The following KNTC1 variants were observed in gnomAD, a reference collection of about 807,000 sequenced individuals.
The protein encoded by KNTC1 is kinetochore associated 1, also known as kinetochore-associated protein 1.
In KNTC1, 253 loss-of-function variants were observed where a neutral mutation model predicts 314.4. That is an observed-to-expected ratio of 0.80 (90% confidence interval 0.73 to 0.89). The LOEUF (loss-of-function observed/expected upper bound fraction) is 0.89, where lower values mean the gene tolerates loss of function less well. KNTC1 is among the 40% of genes least tolerant of loss of function. The pLI, the probability that KNTC1 is intolerant of heterozygous loss-of-function variation, is 0.00. For missense variants in KNTC1, 2,475 were observed against 2,572.9 expected, an observed-to-expected ratio of 0.96 and a Z score of 0.82; for synonymous variants, 901 against 901.4, an observed-to-expected ratio of 1.00 and a Z score of 0.01.
In KNTC1 at chr12:122,574,361, C is replaced by G; in HGVS notation, c.2363C>G (p.Ala788Gly). ...AWEAKAMAVI[A>G]CLSDTDLIFD... ...GAAGCAAAGGCCATGGCAGTAATAG[C>G]GTGTTTATCTGACACGGACGTAAGT... The change falls in exon 27 of 64, where the codon GCG becomes GGG. Residue 788 changes from alanine (A) to glycine (G), a missense_variant. Coordinates refer to ENST00000333479, the MANE Select transcript of KNTC1 (RefSeq NM_014708.6). 1 of 1,604,140 alleles carries G rather than the reference C, an allele frequency of 6.2e-7. No homozygotes were observed. Among genetic ancestry groups the G allele is most frequent in the Non-Finnish European group, 8.5e-7 (1 of 1,173,040 alleles).
intron 59 of KNTC1, among the ~76,000 whole-genome samples, chr12:122,619,524 C>T (rs975253494): frequency 1.3e-5 from 2 of 152,062 alleles, no homozygotes; most frequent in Admixed American, 1.3e-4. Flanking sequence ...GCCGTTCTCC[C>T]GCCTCAGCCT....
intron 43 of KNTC1, among the ~76,000 whole-genome samples, chr12:122,596,469 G>A (rs1871068784): frequency 1.3e-5 from 2 of 151,220 alleles, no homozygotes; most frequent in South Asian, 2.1e-4. Flanking sequence ...CACCTGCCTC[G>A]GCCTCCCAAA....
chr12:122,618,261 C>T (rs974927969), intron 57 of KNTC1, 82 bp from the exon 58 acceptor site: 25 of 1,230,996 alleles, frequency 2.0e-5, no homozygotes, highest in Non-Finnish European at 2.7e-5. Flanking sequence ...TGTGAGCCAC[C>T]GCGCCTGGCC....
chr12:122,613,139 G>T lies in KNTC1; in HGVS notation c.5650G>T (p.Ala1884Ser), dbSNP rs372450429. The T allele has an allele frequency of 3.5e-5, 57 of 1,612,908 alleles. No homozygotes were observed. The highest frequency in any genetic ancestry group is 4.7e-5 in the Non-Finnish European group (56 of 1,179,192). Residue 1884 changes from alanine to serine, a missense_variant, in exon 54 of 64, where the codon GCC becomes TCC. Transcript: ENST00000333479. The part of the protein sequence containing the change: ...TTLGMHQLTF[A>S]HRTRALQCLF... The stretch of plus-strand genomic sequence containing the variant: ...ATTAGGTATGCATCAGTTAACTTTT[G>T]CCCATAGAACTCGAGCTCTTCAGTG...
Position 122,621,908 on chromosome 12 carries a change from G to C in KNTC1, c.6307G>C (p.Val2103Leu), listed in dbSNP as rs186319199. 2 of 1,606,776 alleles carry C rather than the reference G, an allele frequency of 1.2e-6. No homozygotes were observed. The highest frequency in any genetic ancestry group is 1.3e-5 in the African/African-American group (1 of 74,772). ...TTTTCTGGGTTCCTGTGACCCTCAG[G>C]TTATTTTAAAGCAATTGGAAGAGCA... Reference protein sequence around the residue: ...KNFLGSCDPQVILKQLEEHMN... With the variant: ...KNFLGSCDPQLILKQLEEHMN... Residue 2103 changes from valine (V) to leucine (L), a missense_variant, in exon 61 of 64, where the codon GTT becomes CTT. Physicochemically the swap from Val to Leu is conservative, Grantham distance 32. Coordinates refer to ENST00000333479, the MANE Select transcript of KNTC1 (RefSeq NM_014708.6).
At chr12:122,582,285 A>G (rs1304605761) in intron 33 of KNTC1, among the ~76,000 whole-genome samples, 1 of 152,082 alleles carries the variant, frequency 6.6e-6, no homozygotes, top group Non-Finnish European at 1.5e-5. Context: ...GGGCGTGGTG[A>G]TGCGTGCCTG....
In KNTC1 at chr12:122,586,710, G is replaced by C. The variant is rs200467562; in HGVS notation, c.3683G>C (p.Arg1228Thr). The C allele has an allele frequency of 3.1e-4, 454 of 1,478,374 alleles. 4 individuals are homozygous for C. In the African/African-American group the frequency reaches 6.0e-3, roughly 20 times the overall value. The allele number at this position is 1,478,374 out of a possible 1,614,324, so 91.6% of individuals were successfully genotyped here. A position where few individuals can be genotyped will look rare whatever the true frequency, so the allele number is the denominator to read the frequency against. The change falls in exon 38 of 64, where the codon AGA becomes ACA. Residue 1228 changes from arginine (R) to threonine (T), a missense_variant. Physicochemically the swap from Arg to Thr is moderately conservative, Grantham distance 71 (BLOSUM62 -1). Coordinates refer to ENST00000333479, the MANE Select transcript of KNTC1 (RefSeq NM_014708.6). ...TTATTATCTTTTGTAGAAAGCAAGA[G>C]ATATCCCTTGGAGTCTACCAGTTTG... ...SSLVPLAESK[R>T]YPLESTSLPY...
chr12:122,551,889 C>T (rs1039090595), intron 16 of KNTC1, among the ~76,000 whole-genome samples, 193 bp downstream of exon 16: 1 of 151,464 alleles, frequency 6.6e-6, no homozygotes, highest in African/African-American at 2.4e-5. Context: ...CTGAGGAGGT[C>T]GTTTTCAGGT....
chr12:122,566,316 T>A (rs1352318972), intron 20 of KNTC1, among the ~76,000 whole-genome samples: 1 of 151,722 alleles, frequency 6.6e-6, no homozygotes, highest in Non-Finnish European at 1.5e-5. Context: ...GGCTCGATCT[T>A]GACTCTGGCT....
At chr12:122,547,389 A>G in intron 10 of KNTC1, 26 bp from the exon 11 acceptor site, 2 of 1,421,734 alleles carry the variant, frequency 1.4e-6, no homozygotes, top group Non-Finnish European at 2.0e-6. Context: ...AAAAAAGGAC[A>G]TGTAAATGAA....
intron 2 of KNTC1, among the ~76,000 whole-genome samples, chr12:122,531,125 C>T (rs11837499): frequency 8.5e-4 from 128 of 151,340 alleles, no homozygotes; most frequent in African/African-American, 2.9e-3. Context: ...CCACTGTGGA[C>T]GTTATTCCTA....
rs916537311 is a variant in KNTC1 at position 122,585,654 on chromosome 12, A to G, written c.3553A>G (p.Lys1185Glu). The change falls in exon 37 of 64, where the codon AAA (lysine) becomes GAA (glutamate). Residue 1185 changes from lysine to glutamate, a missense_variant. Coordinates refer to ENST00000333479, the MANE Select transcript of KNTC1 (RefSeq NM_014708.6). ...CACCTAGGCTTCTTTTGGGACACAT[A>G]AAGATCCATATGAAGAGTGGTCTTA... Reference protein sequence around the residue: ...ILMKASFGTHKDPYEEWSYSD... With the variant: ...ILMKASFGTHEDPYEEWSYSD... The G allele has an allele frequency of 6.2e-7, 1 of 1,613,928 alleles. No homozygotes were observed. Among genetic ancestry groups the G allele is most frequent in the Non-Finnish European group, 8.5e-7 (1 of 1,179,848 alleles).
At chr12:122,621,271 C>G (rs985680370) in intron 60 of KNTC1, among the ~76,000 whole-genome samples, 1 of 152,192 alleles carries the variant, frequency 6.6e-6, no homozygotes, top group Non-Finnish European at 1.5e-5. Context: ...GAATGTTTTA[C>G]AGTTATCTTC....
chr12:122,615,642 C>A, intron 57 of KNTC1, 116 bp downstream of exon 57: 1 of 998,580 alleles, frequency 1.0e-6, no homozygotes, highest in Non-Finnish European at 1.4e-6. Context: ...CAGAACTGAG[C>A]CAAGTACAGT....
chr12:122,543,178 GC>G lies in KNTC1; in HGVS notation c.524-421del, dbSNP rs1962483435. Among the ~76,000 whole-genome samples the G allele has an allele frequency of 2.0e-5, 3 of 152,322 alleles. No homozygotes were observed. In the South Asian group the frequency reaches 6.2e-4, roughly 32 times the overall value. On this transcript the variant is annotated intron_variant, in intron 6 of 63. Coordinates refer to ENST00000333479, the MANE Select transcript of KNTC1 (RefSeq NM_014708.6). ...TTTGCCCGTCTTGGCCTCCCAAAGT[GC>G]TGGGATTGTAGGCATGAGCCACTGC...
At chr12:122,590,788 G>A (rs1870086772) in intron 41 of KNTC1, 53 bp downstream of exon 41, 3 of 1,549,584 alleles carry the variant, frequency 1.9e-6, no homozygotes, top group East Asian at 4.6e-5. Flanking sequence ...AGATTGGGGG[G>A]GAGAAATGAA....
At chr12:122,561,850 C>G in intron 18 of KNTC1, 71 bp from the exon 19 acceptor site, 1 of 1,323,712 alleles carries the variant, frequency 7.6e-7, no homozygotes, top group Non-Finnish European at 1.0e-6. Context: ...TGTTATTTCA[C>G]AGAAAATCCA....
chr12:122,590,488 T>C (rs1454306762), intron 40 of KNTC1, 119 bp from the exon 41 acceptor site: 2 of 1,009,076 alleles, frequency 2.0e-6, no homozygotes, highest in African/African-American at 1.6e-5. Context: ...CTTTAAAAAG[T>C]TTTTTTTAAG....
intron 53 of KNTC1, 46 bp downstream of exon 53, chr12:122,610,946 T>A: frequency 7.3e-7 from 1 of 1,379,286 alleles, no homozygotes; most frequent in Non-Finnish European, 1.0e-6. Context: ...CATCTCAGCT[T>A]AACATTTTTT....
Sources: allele counts gnomAD v4.1 joint callset (sites outside exome capture counted in the v4.1 genomes callset), GRCh38; gene constraint gnomAD v4.1.1; transcripts MANE v1.5; gene names NCBI Gene and HGNC (gene_info 2026-07-23, HGNC 2026-07-21).